The following PBLD variants were observed in gnomAD, a reference collection of about 807,000 sequenced individuals.
PBLD encodes the protein phenazine biosynthesis like protein domain containing.
In PBLD, 26 loss-of-function variants were observed where a neutral mutation model predicts 31.3. The observed-to-expected ratio is 0.83, with a 90% CI of 0.61 to 1.15. The LOEUF (loss-of-function observed/expected upper bound fraction) is 1.15, where lower values mean the gene tolerates loss of function less well. PBLD is among the 50% of genes most tolerant of loss of function. PBLD has a pLI of 0.00. For synonymous variants in PBLD, 114 were observed against 129.0 expected (o/e 0.88, Z 0.79); for missense variants, 307 against 351.7 (o/e 0.87, Z 1.02).
At chr10:68,286,418 A>G (rs967536419) in intron 8 of PBLD, among the ~76,000 whole-genome samples, 3 of 151,684 alleles carry the variant, frequency 2.0e-5, no homozygotes, top group Non-Finnish European at 4.4e-5. Context: ...CTTTCCAGGG[A>G]AAGTATCTCC....
chr10:68,321,238 A>G (rs2044831252), intron 1 of PBLD, among the ~76,000 whole-genome samples: 1 of 152,104 alleles, frequency 6.6e-6, no homozygotes, highest in South Asian at 2.1e-4. Flanking sequence ...TACAGGACCT[A>G]CAGGTATGGA....
intron 1 of PBLD, among the ~76,000 whole-genome samples, chr10:68,309,688 A>G (rs1167449377): frequency 1.3e-5 from 2 of 148,738 alleles, no homozygotes; most frequent in African/African-American, 5.0e-5. Flanking sequence ...CATGCCTGTA[A>G]TCCCAGCTAC....
chr10:68,315,830 C>T (rs1468463554), intron 1 of PBLD, among the ~76,000 whole-genome samples: 1 of 152,150 alleles, frequency 6.6e-6, no homozygotes, highest in Non-Finnish European at 1.5e-5. Context: ...AGTCCATCAG[C>T]AAAGACTGAG....
chr10:68,285,301 C>T lies in PBLD; in HGVS notation c.754+47G>A, dbSNP rs201981425. ...TAGTACATATGAGAAGGAACACTAGCTTCGAATTAGGCAAATAAAAAAGAA... is the reference window on the plus strand; with the variant it reads ...TAGTACATATGAGAAGGAACACTAGTTTCGAATTAGGCAAATAAAAAAGAA... On this transcript the variant is annotated intron_variant, in intron 9 of 9. Coordinates refer to ENST00000358769, the MANE Select transcript of PBLD (RefSeq NM_022129.4). The T allele has an allele frequency of 1.0e-4, 163 of 1,613,856 alleles. 1 individual carries two copies. The East Asian group carries it at 3.5e-3, about 34-fold the overall frequency.
intron 2 of PBLD, among the ~76,000 whole-genome samples, chr10:68,302,197 G>T (rs1238162675): frequency 1.3e-5 from 2 of 152,182 alleles, no homozygotes; most frequent in African/African-American, 4.8e-5. Flanking sequence ...CAACAGCTAT[G>T]AATTCCCTTG....
At chr10:68,320,031 C>T (rs1353756267) in intron 1 of PBLD, among the ~76,000 whole-genome samples, 1 of 152,022 alleles carries the variant, frequency 6.6e-6, no homozygotes, top group African/African-American at 2.4e-5. Context: ...CCATGTTGGT[C>T]AGGCTGGTCT....
At chr10:68,286,062 A>T (rs1461142996) in intron 8 of PBLD, among the ~76,000 whole-genome samples, 1 of 147,628 alleles carries the variant, frequency 6.8e-6, no homozygotes, top group African/African-American at 2.5e-5. Flanking sequence ...CCTTGGTAGG[A>T]GAATCAAGGC....
intron 1 of PBLD, among the ~76,000 whole-genome samples, chr10:68,317,367 A>G (rs2044749238): frequency 6.6e-6 from 1 of 152,204 alleles, no homozygotes; most frequent in South Asian, 2.1e-4. Context: ...AATCAACATA[A>G]AAAAACAAAG....
chr10:68,284,428 GC>G, intron 9 of PBLD, 139 bp from the exon 10 acceptor site: 1 of 680,508 alleles, frequency 1.5e-6, no homozygotes, highest in Non-Finnish European at 2.4e-6. Flanking sequence ...TTATGGTACT[GC>G]CCACTCCCAT....
chr10:68,289,152 T>G, intron 6 of PBLD, 133 bp from the exon 7 acceptor site: 2 of 658,470 alleles, frequency 3.0e-6, no homozygotes, highest in African/African-American at 1.8e-5. Flanking sequence ...TCCCCAAGAG[T>G]GTTAGTGCAG....
intron 2 of PBLD, among the ~76,000 whole-genome samples, chr10:68,305,366 G>A (rs2044563066): frequency 6.8e-6 from 1 of 147,190 alleles, no homozygotes; most frequent in Non-Finnish European, 1.5e-5. Flanking sequence ...TCCTGCCTCA[G>A]CCTCCCAAAG....
chr10:68,299,663 C>T (rs2044479298), intron 2 of PBLD, among the ~76,000 whole-genome samples: 1 of 151,894 alleles, frequency 6.6e-6, no homozygotes, highest in African/African-American at 2.4e-5. Context: ...CGAGACCAGC[C>T]TGGCCAACAT....
At chr10:68,288,232 A>G (rs2044312372) in intron 8 of PBLD, 2 of 480,850 alleles carry the variant, frequency 4.2e-6, no homozygotes, top group Non-Finnish European at 7.3e-6. Context: ...GCCCAAGGTC[A>G]AAAGCTAGGA....
chr10:68,298,469 T>C (rs10047387), intron 2 of PBLD, among the ~76,000 whole-genome samples: 111 of 152,008 alleles, frequency 7.3e-4, no homozygotes, highest in Non-Finnish European at 1.8e-4. Context: ...TCTAAAAAAA[T>C]TTTTTTTTAC....
intron 1 of PBLD, among the ~76,000 whole-genome samples, chr10:68,324,666 G>C (rs1245721954): frequency 6.6e-6 from 1 of 151,544 alleles, no homozygotes; most frequent in African/African-American, 2.4e-5. Context: ...CCAGACTGGA[G>C]TGCAGTGGCA....
intron 9 of PBLD, 57 bp downstream of exon 9, chr10:68,285,291 G>A: frequency 1.2e-6 from 2 of 1,613,638 alleles, no homozygotes; most frequent in Non-Finnish European, 1.7e-6. Flanking sequence ...CATATGAGAA[G>A]GAACACTAGC....
intron 4 of PBLD, among the ~76,000 whole-genome samples, chr10:68,293,621 A>T (rs984510852): frequency 5.9e-5 from 9 of 152,212 alleles, no homozygotes; most frequent in African/African-American, 1.7e-4. Context: ...ACCTTATCTT[A>T]TCTAACCTGA....
rs1248465338 is a variant in PBLD at position 68,292,227 on chromosome 10, T to C, written c.295A>G (p.Ser99Gly). Residue 99 changes from serine to glycine, a missense_variant, in exon 5 of 10, where the codon AGC (serine) becomes GGC (glycine). Ser to Gly is a moderately conservative substitution (Grantham distance 56). Coordinates refer to ENST00000358769, the MANE Select transcript of PBLD (RefSeq NM_022129.4). ...CTCAGAGTGACAAACGTGAGCGTGC[T>C]ATTCATGTTTTCTGGCCAAAATAGG... ...VLFHKIKNMN[S>G]TLTFVTLSGE... The C allele has an allele frequency of 6.8e-6, 11 of 1,613,258 alleles. 1 individual carries two copies. The highest frequency in any genetic ancestry group is 6.6e-5 in the South Asian group (6 of 91,042).
At chr10:68,310,649 C>T (rs1037360799) in intron 1 of PBLD, among the ~76,000 whole-genome samples, 2 of 148,180 alleles carry the variant, frequency 1.3e-5, no homozygotes, top group African/African-American at 5.0e-5. Context: ...CTACTCTCTA[C>T]TTCTACAGTG....
Sources: gnomAD v4.1 joint callset for allele counts (sites outside exome capture counted in the v4.1 genomes callset) on GRCh38, gnomAD v4.1.1 for gene constraint, MANE v1.5 for transcripts, NCBI Gene and HGNC (gene_info 2026-07-23, HGNC 2026-07-21) for gene names.